Variants in TNKS observed in about 807,000 individuals in gnomAD.
TNKS encodes the protein tankyrase.
A neutral mutation model predicts 135.8 loss-of-function variants in TNKS; 72 were observed. That is an observed-to-expected ratio of 0.53 (90% CI 0.44 to 0.64). The LOEUF is 0.64. Among genes scored for constraint, TNKS ranks in the 30% least tolerant of loss-of-function variants. The pLI, the probability that TNKS is intolerant of heterozygous loss-of-function variation, is 0.00. For missense variants in TNKS, 1,769 were observed against 1,674.0 expected (o/e 1.06, Z -0.99); for synonymous variants, 849 against 649.3 (o/e 1.31, Z -4.68).
At chr8:9,692,913 C>G (rs1034776442) in intron 5 of TNKS, among the ~76,000 whole-genome samples, 1 of 152,140 alleles carries the variant, frequency 6.6e-6, no homozygotes, top group African/African-American at 2.4e-5. Flanking sequence ...ATGCCTATAT[C>G]GATTCTCTAG....
chr8:9,667,769 C>G (rs973577167), intron 3 of TNKS, among the ~76,000 whole-genome samples: 4 of 150,104 alleles, frequency 2.7e-5, no homozygotes, highest in African/African-American at 9.8e-5. Flanking sequence ...CACTAAATCT[C>G]TTACTGTGTT....
At chr8:9,611,164 C>T (rs781378977) in intron 2 of TNKS, among the ~76,000 whole-genome samples, 1 of 152,110 alleles carries the variant, frequency 6.6e-6, no homozygotes, top group Non-Finnish European at 1.5e-5. Flanking sequence ...GCCCGTCTTA[C>T]CTCGAAAGGA....
chr8:9,731,998 A>T (rs977662942), intron 14 of TNKS, among the ~76,000 whole-genome samples: 2 of 152,174 alleles, frequency 1.3e-5, no homozygotes, highest in African/African-American at 4.8e-5. Context: ...TGTGTTAGCC[A>T]GGATGGTCTC....
Position 9,734,971 on chromosome 8 carries a change from T to G in TNKS, c.2420T>G (p.Leu807Trp). 1 of 1,614,172 alleles carries G rather than the reference T, an allele frequency of 6.2e-7. No individual in the cohort carries two copies. The highest frequency in any genetic ancestry group is 1.1e-5 in the South Asian group (1 of 91,080). ...IQDLLRGDAA[L>W]LDAAKKGCLA... Reference sequence around the variant, plus strand: ...GACTTACTGAGAGGGGATGCTGCTTTGTTGGATGCTGCCAAGAAGGGCTGC... The same window carrying G: ...GACTTACTGAGAGGGGATGCTGCTTGGTTGGATGCTGCCAAGAAGGGCTGC... Residue 807 changes from leucine to tryptophan, a missense_variant, in exon 16 of 27, where the codon TTG becomes TGG. Around this residue, in one of 5 missense-constraint regions of TNKS, gnomAD observed 722 missense variants for 688.9 expected, o/e 1.05. Coordinates refer to ENST00000310430, the MANE Select transcript of TNKS (RefSeq NM_003747.3).
chr8:9,657,803 A>G (rs1380693776), intron 3 of TNKS, among the ~76,000 whole-genome samples: 1 of 149,008 alleles, frequency 6.7e-6, no homozygotes, highest in African/African-American at 2.5e-5. Context: ...TCCCTCCCGG[A>G]TGGGGCGGCT....
At chr8:9,773,383 G>T (rs909215535) in intron 26 of TNKS, among the ~76,000 whole-genome samples, 2 of 152,042 alleles carry the variant, frequency 1.3e-5, no homozygotes, top group African/African-American at 2.4e-5. Context: ...GGTTATCACT[G>T]GGTGATAATG....
At chr8:9,652,214 C>G (rs189854008) in intron 3 of TNKS, among the ~76,000 whole-genome samples, 7 of 152,200 alleles carry the variant, frequency 4.6e-5, no homozygotes, top group African/African-American at 1.7e-4. Flanking sequence ...TACCAATATT[C>G]TTTCTTTTGG....
chr8:9,734,439 G>C (rs1585392971), intron 15 of TNKS, among the ~76,000 whole-genome samples: 2 of 149,800 alleles, frequency 1.3e-5, no homozygotes, highest in East Asian at 3.9e-4. Context: ...ATGGCCTTTA[G>C]AATTAAGTCC....
At chr8:9,659,976 A>T (rs1227522302) in intron 3 of TNKS, among the ~76,000 whole-genome samples, 1 of 152,246 alleles carries the variant, frequency 6.6e-6, no homozygotes, top group South Asian at 2.1e-4. Flanking sequence ...CAAATAAACT[A>T]GAAAATCTAG....
chr8:9,574,785 C>T (rs1797881082), intron 1 of TNKS, among the ~76,000 whole-genome samples: 1 of 152,054 alleles, frequency 6.6e-6, no homozygotes, highest in Non-Finnish European at 1.5e-5. Context: ...ACAGATGACA[C>T]ATTTTTGGCC....
intron 5 of TNKS, among the ~76,000 whole-genome samples, chr8:9,694,864 A>G (rs1803441680): frequency 6.6e-6 from 1 of 152,138 alleles, no homozygotes; most frequent in African/African-American, 2.4e-5. Context: ...AATTTTGTTC[A>G]ATAATAATAA....
chr8:9,651,243 T>C (rs532925752), intron 3 of TNKS, among the ~76,000 whole-genome samples: 1 of 152,178 alleles, frequency 6.6e-6, no homozygotes, highest in Non-Finnish European at 1.5e-5. Context: ...TGTTGGTTTT[T>C]TTAATCTTTA....
chr8:9,724,699 A>G (rs1805075672), intron 12 of TNKS, among the ~76,000 whole-genome samples: 2 of 152,216 alleles, frequency 1.3e-5, no homozygotes, highest in Admixed American at 1.3e-4. Flanking sequence ...GCAGGTCTCT[A>G]CAATCTGGAT....
At chr8:9,681,150 A>G (rs1413495719) in intron 5 of TNKS, 1 of 168,552 alleles carries the variant, frequency 5.9e-6, no homozygotes, top group African/African-American at 2.4e-5. Context: ...TTGTTAAGAC[A>G]TTTGTGTTTT....
rs754746323 is a variant in TNKS at position 9,556,063 on chromosome 8, G to C, written c.124G>C (p.Gly42Arg). The change falls in exon 1 of 27, where the codon GGG (glycine) becomes CGG (arginine). Residue 42 changes from glycine (G) to arginine (R), a missense_variant. Around this residue, in one of 5 missense-constraint regions of TNKS, gnomAD observed 450 missense variants for 304.9 expected, o/e 1.48. Transcript: ENST00000310430. ...CCCACTCAGCCCTGGCCTGGCCCCG[G>C]GGACCACCCCAGCCTCTCCCACGGC... ...PPPLSPGLAPGTTPASPTASG... is the reference protein window; with the variant it reads ...PPPLSPGLAPRTTPASPTASG... 152 of 1,608,504 alleles carry C rather than the reference G, an allele frequency of 9.4e-5. No homozygotes were observed. In the Middle Eastern group the frequency reaches 1.2e-3, roughly 12 times the overall value.
intron 5 of TNKS, among the ~76,000 whole-genome samples, chr8:9,703,672 T>C (rs1246608768): frequency 6.6e-6 from 1 of 152,236 alleles, no homozygotes; most frequent in Non-Finnish European, 1.5e-5. Flanking sequence ...GTACTTCTTT[T>C]GTATCTTCAC....
At chr8:9,765,460 T>TC (rs1807379888) in intron 23 of TNKS, among the ~76,000 whole-genome samples, 4 of 151,918 alleles carry the variant, frequency 2.6e-5, no homozygotes, top group African/African-American at 9.7e-5. Flanking sequence ...CCTGAGGTGA[T>TC]TTAGAGGTAA....
intron 1 of TNKS, among the ~76,000 whole-genome samples, chr8:9,561,964 C>T (rs1207243845): frequency 1.3e-5 from 2 of 151,972 alleles, no homozygotes; most frequent in Non-Finnish European, 2.9e-5. Context: ...TTACAGGCGC[C>T]CACCACCACG....
chr8:9,707,101 C>T, intron 8 of TNKS, 104 bp downstream of exon 8: 1 of 962,202 alleles, frequency 1.0e-6, no homozygotes, highest in Non-Finnish European at 1.5e-6. Flanking sequence ...TACAAGCAGA[C>T]TAATTCATAA....
Sources: allele counts gnomAD v4.1 joint callset (sites outside exome capture counted in the v4.1 genomes callset), GRCh38; gene constraint gnomAD v4.1.1; regional missense constraint gnomAD v4.1.1; transcripts MANE v1.5; gene names NCBI Gene and HGNC (gene_info 2026-07-23, HGNC 2026-07-21).